The following ASIC2 variants were observed in gnomAD, a reference collection of about 807,000 sequenced individuals.
ASIC2 encodes acid-sensing ion channel 2.
ASIC2 carries 25 observed loss-of-function variants against 57.3 expected under a neutral mutation model. The ratio of observed to expected loss-of-function variants is 0.44; its 90% confidence interval spans 0.32 to 0.61. The LOEUF is 0.61. Among genes scored for constraint, ASIC2 ranks in the 20% least tolerant of loss-of-function variants. ASIC2 has a pLI of 0.06. For missense variants in ASIC2, 641 were observed against 738.1 expected (o/e 0.87, Z 1.52); for synonymous variants, 319 against 307.5 (o/e 1.04, Z -0.39).
chr17:33,146,097 C>T (rs966955351), intron 1 of ASIC2, among the ~76,000 whole-genome samples: 4 of 152,124 alleles, frequency 2.6e-5, no homozygotes, highest in Non-Finnish European at 5.9e-5. Flanking sequence ...CTTCAATGGC[C>T]CCAGGCAGGT....
At chr17:33,838,981 C>T (rs965112320) in intron 1 of ASIC2, among the ~76,000 whole-genome samples, 15 of 152,118 alleles carry the variant, frequency 9.9e-5, no homozygotes, top group South Asian at 4.1e-4. Flanking sequence ...TAAGGAGGGG[C>T]CCAAGAATCT....
At chr17:33,361,898 A>G (rs1343368218) in intron 1 of ASIC2, among the ~76,000 whole-genome samples, 1 of 152,182 alleles carries the variant, frequency 6.6e-6, no homozygotes, top group Non-Finnish European at 1.5e-5. Context: ...GTGGGTCTAT[A>G]TCTACTTGAT....
At chr17:33,407,089 C>G (rs565093575) in intron 1 of ASIC2, among the ~76,000 whole-genome samples, 4 of 152,194 alleles carry the variant, frequency 2.6e-5, no homozygotes, top group Non-Finnish European at 5.9e-5. Context: ...ATTTTTTTCA[C>G]TTGTATAATG....
chr17:33,106,808 G>C (rs891016913), intron 2 of ASIC2, among the ~76,000 whole-genome samples: 6 of 152,130 alleles, frequency 3.9e-5, no homozygotes, highest in Admixed American at 2.0e-4. Flanking sequence ...TTTTGCTGGG[G>C]GCAGGATCTG....
intron 1 of ASIC2, among the ~76,000 whole-genome samples, chr17:33,949,265 G>A (rs549722617): frequency 3.3e-4 from 50 of 152,190 alleles, no homozygotes; most frequent in Non-Finnish European, 5.6e-4. Context: ...TCCCATGGCA[G>A]GGCACGAGCG....
intron 1 of ASIC2, chr17:33,834,536 C>A (rs73286795): frequency 0.21 from 32,194 of 152,074 alleles, 3,480 homozygotes; most frequent in East Asian, 0.3. Context: ...TTGTAAAGGG[C>A]CATTCACTGG....
intron 1 of ASIC2, among the ~76,000 whole-genome samples, chr17:33,464,469 TTCTTTCTTTTCTCTC>T (rs1912748083): frequency 1.1e-5 from 1 of 87,798 alleles, no homozygotes; most frequent in African/African-American, 5.7e-5. Context: ...CTTTCTTTCT[TTCTTTCTTTTCTCTC>T]TTTCTTTCTT....
At chr17:34,026,420 A>T (rs569551622) in intron 1 of ASIC2, among the ~76,000 whole-genome samples, 1 of 152,144 alleles carries the variant, frequency 6.6e-6, no homozygotes, top group Admixed American at 6.5e-5. Context: ...CTTGGAAATG[A>T]TGGAGGAGAA....
rs976436185 is a variant in ASIC2, at chr17:33,732,597, A to G, written c.555+423381T>C. Among the ~76,000 whole-genome samples, 25 of 149,662 alleles carry G rather than the reference A, an allele frequency of 1.7e-4. No individual in the cohort carries two copies. The South Asian group carries it at 2.7e-3, about 16-fold the overall frequency. ...AACTGCAAGCTCCGCCCCCGGATTC[A>G]TGCCATTCTCCTGCCTCAGCCTCCT... is the stretch of plus-strand genomic sequence containing the variant. On this transcript the variant is annotated intron_variant, in intron 1 of 9. Transcript: ENST00000359872.
At chr17:33,458,523 A>G (rs1161132555) in intron 1 of ASIC2, among the ~76,000 whole-genome samples, 3 of 152,320 alleles carry the variant, frequency 2.0e-5, no homozygotes, top group Non-Finnish European at 4.4e-5. Context: ...TCCCATCTCT[A>G]TCACTTTCTG....
rs375850135 is a variant in ASIC2, at chr17:33,818,381, T to C, written c.555+337597A>G. Among the ~76,000 whole-genome samples the C allele has an allele frequency of 2.0e-3, 302 of 152,308 alleles. 2 individuals carry two copies. Among genetic ancestry groups the C allele is most frequent in the Non-Finnish European group, 1.1e-3 (77 of 68,030 alleles). On this transcript the variant is annotated intron_variant, in intron 1 of 9. Transcript: ENST00000359872. ...TACCTCACTGAAACCTCATAGCAAC[T>C]CTGCGAAGTAGGTACTACTTCCTCC...
At chr17:34,036,419 G>A (rs1257191126) in intron 1 of ASIC2, among the ~76,000 whole-genome samples, 2 of 150,958 alleles carry the variant, frequency 1.3e-5, no homozygotes, top group Non-Finnish European at 3.0e-5. Flanking sequence ...TATACCTAAT[G>A]TTAAATGACG....
intron 1 of ASIC2, among the ~76,000 whole-genome samples, chr17:34,043,987 T>C (rs1398934651): frequency 6.6e-6 from 1 of 152,210 alleles, no homozygotes; most frequent in Non-Finnish European, 1.5e-5. Context: ...ACCTTTACTA[T>C]TCCAAAGGCA....
At chr17:33,165,075 C>T (rs2142042957) in intron 1 of ASIC2, among the ~76,000 whole-genome samples, 1 of 152,258 alleles carries the variant, frequency 6.6e-6, no homozygotes, top group South Asian at 2.1e-4. Flanking sequence ...TAAGTAAATC[C>T]CTAGCATAGA....
At chr17:33,476,336 A>G (rs548195996) in intron 1 of ASIC2, among the ~76,000 whole-genome samples, 1 of 152,216 alleles carries the variant, frequency 6.6e-6, no homozygotes, top group Admixed American at 6.5e-5. Flanking sequence ...TATTTCAGTA[A>G]TTATGGTTAC....
intron 1 of ASIC2, among the ~76,000 whole-genome samples, chr17:33,552,312 A>G (rs1186425117): frequency 6.6e-6 from 1 of 152,192 alleles, no homozygotes; most frequent in African/African-American, 2.4e-5. Flanking sequence ...CCAGCTCCCT[A>G]GAGAGCTTAG....
At chr17:33,458,787 G>A (rs1912537344) in intron 1 of ASIC2, among the ~76,000 whole-genome samples, 1 of 152,126 alleles carries the variant, frequency 6.6e-6, no homozygotes, top group African/African-American at 2.4e-5. Context: ...ATCTCTTCCA[G>A]TCTAAAATGG....
intron 1 of ASIC2, chr17:33,794,803 C>T (rs1911868554): frequency 1.3e-5 from 2 of 152,124 alleles, no homozygotes; most frequent in Non-Finnish European, 1.5e-5. Context: ...GCCTTACAGC[C>T]TTTTATGATC....
intron 1 of ASIC2, among the ~76,000 whole-genome samples, chr17:34,080,714 T>C (rs1567812882): frequency 2.0e-5 from 3 of 152,194 alleles, no homozygotes; most frequent in Non-Finnish European, 4.4e-5. Context: ...CTTAGGTTCA[T>C]TTACTTTGAT....
Sources: allele counts gnomAD v4.1 joint callset (sites outside exome capture counted in the v4.1 genomes callset), GRCh38; gene constraint gnomAD v4.1.1; transcripts MANE v1.5; gene names NCBI Gene and HGNC (gene_info 2026-07-23, HGNC 2026-07-21).